Variants in SPIRE2 observed in about 807,000 individuals in gnomAD.
The protein encoded by SPIRE2 is spire type actin nucleation factor 2.
Under a neutral mutation model 80.7 loss-of-function variants are expected in SPIRE2, and 76 were observed. The ratio of observed to expected loss-of-function variants is 0.94; its 90% CI spans 0.78 to 1.14. The LOEUF (loss-of-function observed/expected upper bound fraction) is 1.14, where lower values mean the gene tolerates loss of function less well. Ranked by LOEUF, SPIRE2 falls within the 50% of genes most tolerant of loss-of-function variation. The pLI, the probability that SPIRE2 is intolerant of heterozygous loss-of-function variation, is 0.00. For missense variants in SPIRE2, 1,196 were observed against 1,015.3 expected, an observed-to-expected ratio of 1.18 and a Z score of -2.42; for synonymous variants, 535 against 432.6, an observed-to-expected ratio of 1.24 and a Z score of -2.94.
chr16:89,854,786 A>G lies in SPIRE2; in HGVS notation c.891+135A>G. ...AGGGTCCCTGCTCTCTGTGCTGGGT[A>G]CTGGGTCATAAAATATGGATTAGGG... On this transcript the variant is annotated intron_variant, in intron 5 of 14. Transcript: ENST00000378247. 4 of 884,418 alleles carry G rather than the reference A, an allele frequency of 4.5e-6. No homozygotes were observed. In the South Asian group the frequency reaches 4.9e-5, roughly 11 times the overall value. 54.8% of individuals were successfully genotyped at this position (884,418 alleles called of 1,614,324 possible). A position where few individuals can be genotyped will look rare whatever the true frequency, so the allele number is the denominator to read the frequency against.
Position 89,831,502 on chromosome 16 carries a change from A to G in SPIRE2, c.244+2708A>G, listed in dbSNP as rs1334887747. Among the ~76,000 whole-genome samples, 3 of 145,484 alleles carry G rather than the reference A, an allele frequency of 2.1e-5. 1 individual carries two copies. Among genetic ancestry groups the G allele is most frequent in the African/African-American group, 7.6e-5 (3 of 39,488 alleles). ...AAGCTTCGCCTACTGGGTTCACGCC[A>G]TTCTCCTGCCTCAGCGTCCCGAGTA... On this transcript the variant is annotated intron_variant, in intron 1 of 14. Transcript: ENST00000378247.
intron 1 of SPIRE2, among the ~76,000 whole-genome samples, chr16:89,831,305 C>T (rs1300612336): frequency 2.7e-5 from 4 of 150,802 alleles, no homozygotes; most frequent in Non-Finnish European, 5.9e-5. Context: ...CCGTCACCTG[C>T]CCTCTTCACC....
chr16:89,859,277 AC>A lies in SPIRE2; in HGVS notation c.1391del (p.Pro464GlnfsTer53), dbSNP rs1187128946. Reference protein sequence around the residue: ...EVASGLQSATHPPGGTEPPRP... With the variant: ...EVASGLQSATXPPGGTEPPRP... The stretch of plus-strand genomic sequence containing the variant: ...GCCTCTGGCCTGCAGTCGGCCACCC[AC>A]CCCCCAGGAGGGACGGAGCCACCAC... On this transcript the variant is annotated frameshift_variant, in exon 9 of 15. Coordinates refer to ENST00000378247, the MANE Select transcript of SPIRE2 (RefSeq NM_032451.2). LOFTEE classifies it high-confidence loss of function. 5.6e-6 allele frequency: 9 copies of A among 1,601,736 alleles called. No homozygotes were observed. The highest frequency in any genetic ancestry group is 2.3e-5 in the East Asian group (1 of 44,390).
chr16:89,847,263 G>C (rs544767857), intron 2 of SPIRE2: 3 of 152,386 alleles, frequency 2.0e-5, no homozygotes, highest in Admixed American at 1.3e-4. Flanking sequence ...TGTGTGTGGA[G>C]ATGCCATTGT....
In SPIRE2 at chr16:89,870,061, G is replaced by A. The variant is rs778790786; in HGVS notation, c.1934G>A (p.Gly645Glu). The A allele has an allele frequency of 2.5e-6, 4 of 1,612,458 alleles. No homozygotes were observed. In the Admixed American group the frequency reaches 6.7e-5, roughly 27 times the overall value. Reference sequence around the variant, plus strand: ...CTCCCACTTCCCAGGTCTCTGCAAGGGCCACAGTGGCAGAGCGTGGAGGAG... The same window carrying A: ...CTCCCACTTCCCAGGTCTCTGCAAGAGCCACAGTGGCAGAGCGTGGAGGAG... ...QRRDIFQSLQ[G>E]PQWQSVEEAF... The change falls in exon 15 of 15, where the codon GGG becomes GAG. Residue 645 changes from glycine (G) to glutamate (E), a missense_variant. Gly to Glu is a moderately conservative substitution (Grantham distance 98, BLOSUM62 -2). Coordinates refer to ENST00000378247, the MANE Select transcript of SPIRE2 (RefSeq NM_032451.2).
chr16:89,848,618 G>A (rs1349892117), intron 2 of SPIRE2, among the ~76,000 whole-genome samples: 1 of 148,646 alleles, frequency 6.7e-6, no homozygotes, highest in African/African-American at 2.5e-5. Flanking sequence ...CTTCTGCGGC[G>A]TTTCTGCAGG....
chr16:89,836,618 G>C (rs945639253), intron 1 of SPIRE2, among the ~76,000 whole-genome samples: 1 of 152,086 alleles, frequency 6.6e-6, no homozygotes, highest in Non-Finnish European at 1.5e-5. Flanking sequence ...CAAGAATCCG[G>C]AATGTACATT....
intron 10 of SPIRE2, chr16:89,862,052 G>A (rs2041749318): frequency 6.7e-6 from 1 of 149,576 alleles, no homozygotes; most frequent in Admixed American, 6.7e-5. Flanking sequence ...CGCCCAGGCT[G>A]GAGTGCAGTG....
At chr16:89,854,448 A>C (rs753760491) in intron 4 of SPIRE2, 39 bp from the exon 5 acceptor site, 1 of 1,610,726 alleles carries the variant, frequency 6.2e-7, no homozygotes, top group Non-Finnish European at 8.5e-7. Context: ...GTGGAGCTTC[A>C]CCTGGGGCTG....
intron 5 of SPIRE2, 127 bp from the exon 6 acceptor site, chr16:89,855,473 G>A (rs933828694): frequency 1.1e-5 from 8 of 753,980 alleles, no homozygotes; most frequent in Admixed American, 9.7e-5. Context: ...GGGTCCCTGC[G>A]AGCAAAGAGT....
chr16:89,843,698 G>GTT (rs568062812), intron 1 of SPIRE2, among the ~76,000 whole-genome samples: 2 of 18,204 alleles, frequency 1.1e-4, no homozygotes, highest in Admixed American at 1.0e-3. Flanking sequence ...TTTGTTTTTT[G>GTT]TTTTTTTTTT....
In SPIRE2 at chr16:89,850,562, C is replaced by T. The variant is rs1356565475; in HGVS notation, c.547C>T (p.Arg183Trp). The change falls in exon 3 of 15, where the codon CGG becomes TGG. Residue 183 changes from arginine (R) to tryptophan (W), a missense_variant. Transcript: ENST00000378247. ...RLCAARLTDP[R>W]GAQAHYQAVC... Reference sequence around the variant, plus strand: ...GTGCGCGGCGCGGCTGACCGACCCCCGGGGCGCACAGGCGCATTACCAGGC... The same window carrying T: ...GTGCGCGGCGCGGCTGACCGACCCCTGGGGCGCACAGGCGCATTACCAGGC... 2.6e-6 allele frequency: 4 copies of T among 1,514,068 alleles called. No individual in the cohort carries two copies. Among genetic ancestry groups the T allele is most frequent in the Non-Finnish European group, 2.6e-6 (3 of 1,135,736 alleles). The allele number at this position is 1,514,068 out of a possible 1,614,324, so 93.8% of individuals were successfully genotyped here.
At position 89,838,239 on chromosome 16, in the gene SPIRE2, G is replaced by A. The variant is rs542605438; in HGVS notation, c.245-7083G>A. 2.7e-5 allele frequency among the ~76,000 whole-genome samples: 4 copies of A among 145,680 alleles called. No homozygotes were observed. In the East Asian group the frequency reaches 8.4e-4, roughly 31 times the overall value. ...ACCACATTGCCCAGGCTGGAGTGTAGTGGTGCAATCTCAGCTCACTGCAAA... is the reference window on the plus strand; with the variant it reads ...ACCACATTGCCCAGGCTGGAGTGTAATGGTGCAATCTCAGCTCACTGCAAA... On this transcript the variant is annotated intron_variant, in intron 1 of 14. Coordinates refer to ENST00000378247, the MANE Select transcript of SPIRE2 (RefSeq NM_032451.2).
At position 89,847,299 on chromosome 16, in the gene SPIRE2, AGTG is replaced by A. The variant is rs147148408; in HGVS notation, c.288+1936_288+1938del. The A allele has an allele frequency of 9.2e-5, 14 of 152,378 alleles. No individual in the cohort carries two copies. In the East Asian group the frequency reaches 2.7e-3, roughly 29 times the overall value. 9.4% of individuals were successfully genotyped at this position (152,378 alleles called of 1,614,324 possible). The stretch of plus-strand genomic sequence containing the variant: ...GCTATACGTAGTGTCCTGGGACGTG[AGTG>A]GGGGCCTGTCTGTGTGGCTGTGTCC... On this transcript the variant is annotated intron_variant, in intron 2 of 14. Coordinates refer to ENST00000378247, the MANE Select transcript of SPIRE2 (RefSeq NM_032451.2).
chr16:89,849,009 G>C (rs2041594472), intron 2 of SPIRE2, among the ~76,000 whole-genome samples: 1 of 141,804 alleles, frequency 7.1e-6, no homozygotes, highest in African/African-American at 2.5e-5. Flanking sequence ...AGGGCCTTCT[G>C]TGGCGTTTCT....
At chr16:89,835,106 G>C (rs1362140585) in intron 1 of SPIRE2, among the ~76,000 whole-genome samples, 1 of 134,538 alleles carries the variant, frequency 7.4e-6, no homozygotes, top group Non-Finnish European at 1.6e-5. Context: ...TAGAAGCCTA[G>C]ATAAGCATAG....
intron 1 of SPIRE2, among the ~76,000 whole-genome samples, chr16:89,834,245 A>C (rs1306461534): frequency 5.6e-4 from 46 of 82,622 alleles, no homozygotes; most frequent in East Asian, 2.0e-3. Flanking sequence ...TCGTAGAAGC[A>C]TGGATAAGCA....
At chr16:89,865,573 A>C (rs1423737593) in intron 12 of SPIRE2, among the ~76,000 whole-genome samples, 1 of 152,210 alleles carries the variant, frequency 6.6e-6, no homozygotes, top group Non-Finnish European at 1.5e-5. Flanking sequence ...AAACAAAACA[A>C]ATAGCAAATG....
In SPIRE2 at chr16:89,850,824, G is replaced by GT. The variant is rs757360310; in HGVS notation, c.645+166dup. ...TCCCACTTAATCCTCACGCTTTCTT[G>GT]TTGTTTTTTTGTTGTTGTTGTTGTT... On this transcript the variant is annotated intron_variant, in intron 3 of 14. Coordinates refer to ENST00000378247, the MANE Select transcript of SPIRE2 (RefSeq NM_032451.2). Among the ~76,000 whole-genome samples the GT allele has an allele frequency of 3.1e-3, 472 of 151,652 alleles. 2 individuals are homozygous for GT. Among genetic ancestry groups the GT allele is most frequent in the African/African-American group, 0.011 (437 of 41,348 alleles).
Sources: gnomAD v4.1 joint callset for allele counts (sites outside exome capture counted in the v4.1 genomes callset) on GRCh38, gnomAD v4.1.1 for gene constraint, MANE v1.5 for transcripts, NCBI Gene and HGNC (gene_info 2026-07-23, HGNC 2026-07-21) for gene names.